Variants in ABCC12 observed in about 807,000 individuals in gnomAD.
ABCC12 encodes ATP-binding cassette sub-family C member 12.
ABCC12 carries 142 observed loss-of-function variants against 151.1 expected under a neutral mutation model. The ratio of observed to expected loss-of-function variants is 0.94; its 90% CI spans 0.82 to 1.08. ABCC12 has a LOEUF of 1.08. ABCC12 is among the 50% of genes least tolerant of loss of function. The pLI is 0.00. For synonymous variants in ABCC12, 645 were observed against 646.4 expected (o/e 1.00, Z 0.03); for missense variants, 1,638 against 1,691.1 (o/e 0.97, Z 0.55).
Position 48,100,920 on chromosome 16 carries a change from C to A in ABCC12, c.2990G>T (p.Gly997Val). The change falls in exon 23 of 31, where the codon GGC becomes GTC. Residue 997 changes from glycine to valine, a missense_variant. Transcript: ENST00000311303. ...WFTHITSSMQ[G>V]LGIIHAYGKK... ...GCCATAGGCGTGAATGATGCCCAGG[C>A]CCTGCATGGAGGAGGTGATGTGGGT... is the stretch of plus-strand genomic sequence containing the variant. 1 of 1,614,206 alleles carries A rather than the reference C, an allele frequency of 6.2e-7. No homozygotes were observed. The highest frequency in any genetic ancestry group is 1.1e-5 in the South Asian group (1 of 91,064).
chr16:48,107,223 G>A, intron 20 of ABCC12, 99 bp downstream of exon 20: 1 of 1,139,854 alleles, frequency 8.8e-7, no homozygotes, highest in East Asian at 2.3e-5. Flanking sequence ...GATGCATGTG[G>A]GCTCATGGCA....
intron 4 of ABCC12, 138 bp downstream of exon 4, chr16:48,143,772 T>A (rs561842885): frequency 1.8e-6 from 2 of 1,136,112 alleles, no homozygotes; most frequent in South Asian, 3.3e-5. Flanking sequence ...CCTTCCACCA[T>A]GATTGTGAGG....
intron 13 of ABCC12, among the ~76,000 whole-genome samples, chr16:48,117,785 G>T (rs1285519771): frequency 5.9e-5 from 9 of 152,112 alleles, no homozygotes; most frequent in African/African-American, 2.2e-4. Context: ...ACAGCAGGGG[G>T]CTGGGTGATC....
At chr16:48,129,828 T>C (rs1366753172) in intron 10 of ABCC12, among the ~76,000 whole-genome samples, 1 of 152,240 alleles carries the variant, frequency 6.6e-6, no homozygotes, top group East Asian at 1.9e-4. Flanking sequence ...TTATCTAGTC[T>C]AAGGAGCACC....
chr16:48,117,441 G>A (rs934542918), intron 13 of ABCC12, 108 bp from the exon 14 acceptor site: 1 of 1,217,234 alleles, frequency 8.2e-7, no homozygotes, highest in East Asian at 2.5e-5. Context: ...GGCCAGGGGT[G>A]GCGGCTGCTA....
intron 9 of ABCC12, among the ~76,000 whole-genome samples, chr16:48,133,245 G>A (rs1163719871): frequency 3.3e-5 from 5 of 152,130 alleles, no homozygotes; most frequent in East Asian, 3.9e-4. Flanking sequence ...GAGTTGGCCC[G>A]GCACTGTGGC....
intron 2 of ABCC12, among the ~76,000 whole-genome samples, chr16:48,146,955 A>G (rs1965025498): frequency 6.6e-6 from 1 of 151,954 alleles, no homozygotes; most frequent in East Asian, 1.9e-4. Flanking sequence ...ATGCGCATAC[A>G]CCCACACACA....
intron 13 of ABCC12, among the ~76,000 whole-genome samples, chr16:48,118,017 G>A (rs938448830): frequency 1.3e-5 from 2 of 152,142 alleles, no homozygotes; most frequent in Admixed American, 6.5e-5. Flanking sequence ...TCAGCGTCAC[G>A]CTCTGCCTAG....
chr16:48,105,037 T>C, intron 21 of ABCC12, 102 bp downstream of exon 21: 2 of 1,356,856 alleles, frequency 1.5e-6, no homozygotes, highest in Middle Eastern at 2.1e-4. Flanking sequence ...ATGAGGGCTC[T>C]GGCTGTCCCC....
rs529187523 is a variant in ABCC12, at chr16:48,138,015, C to T, written c.979+213G>A. Among the ~76,000 whole-genome samples, 5 of 152,244 alleles carry T rather than the reference C, an allele frequency of 3.3e-5. No homozygotes were observed. The South Asian group carries it at 6.2e-4, about 19-fold the overall frequency. On this transcript the variant is annotated intron_variant, in intron 8 of 30. Transcript: ENST00000311303. ...TCCACATGCCCCAGGAAAGAGAAACCATATGTCACTCACCCCTGGGTTCAC... is the reference window on the plus strand; with the variant it reads ...TCCACATGCCCCAGGAAAGAGAAACTATATGTCACTCACCCCTGGGTTCAC...
rs61742618 is a variant in ABCC12, at chr16:48,111,586, C to T, written c.2201G>A (p.Gly734Asp). 624 of 1,614,160 alleles carry T rather than the reference C, an allele frequency of 3.9e-4. 1 individual carries two copies. The highest frequency in any genetic ancestry group is 7.7e-4 in the Admixed American group (46 of 60,020). ...ESPAEREEDA[G>D]IIVLAPGNEK... Reference sequence around the variant, plus strand: ...AGGGATGGGATTCTAACCGATTATACCAGCATCTTCCTCTCTCTCAGCAGG... The same window carrying T: ...AGGGATGGGATTCTAACCGATTATATCAGCATCTTCCTCTCTCTCAGCAGG... The change falls in exon 17 of 31, where the codon GGT (glycine) becomes GAT (aspartate). Residue 734 changes from glycine to aspartate, a missense_variant. Physicochemically the swap from Gly to Asp is moderately conservative, Grantham distance 94 (BLOSUM62 -1). Coordinates refer to ENST00000311303, the MANE Select transcript of ABCC12 (RefSeq NM_001393797.1).
At chr16:48,139,716 T>C (rs1964740076) in intron 6 of ABCC12, among the ~76,000 whole-genome samples, 1 of 152,204 alleles carries the variant, frequency 6.6e-6, no homozygotes, top group Admixed American at 6.5e-5. Context: ...GCCTCCTTTG[T>C]GGAAGGAGTG....
intron 10 of ABCC12, among the ~76,000 whole-genome samples, chr16:48,129,749 G>A (rs1964360356): frequency 6.6e-6 from 1 of 152,224 alleles, no homozygotes; most frequent in South Asian, 2.1e-4. Flanking sequence ...GAGAGATAAT[G>A]GAAGCCTCAA....
chr16:48,111,418 G>A lies in ABCC12; in HGVS notation c.2281+18C>T, dbSNP rs1567449676. On this transcript the variant is annotated intron_variant, in intron 18 of 30. Transcript: ENST00000311303. ...ACATCCTTAAGTGTATGTGACTGAG[G>A]GGATGTGTGGTAAATACCTTTTGTG... 1.9e-6 allele frequency: 3 copies of A among 1,610,102 alleles called. No homozygotes were observed. Among genetic ancestry groups the A allele is most frequent in the South Asian group, 1.1e-5 (1 of 90,968 alleles).
chr16:48,138,800 C>G (rs1441282524), intron 7 of ABCC12, among the ~76,000 whole-genome samples: 2 of 148,420 alleles, frequency 1.3e-5, no homozygotes, highest in East Asian at 3.9e-4. Flanking sequence ...GACCCTATCT[C>G]TACAATTTTT....
At chr16:48,105,871 G>A (rs1963476422) in intron 20 of ABCC12, among the ~76,000 whole-genome samples, 1 of 152,284 alleles carries the variant, frequency 6.6e-6, no homozygotes, top group African/African-American at 2.4e-5. Context: ...TTCCCAAGGG[G>A]TAACAGAGAG....
rs191849973 is a variant in ABCC12, at chr16:48,103,489, T to C, written c.2900+653A>G. 3.1e-3 allele frequency among the ~76,000 whole-genome samples: 472 copies of C among 152,340 alleles called. 1 individual carries two copies. The highest frequency in any genetic ancestry group is 0.011 in the African/African-American group (462 of 41,578). ...GAAACAGGTGAGGCATATATTTCAA[T>C]GATTACCATTAAGGAGAGAGGAAAC... On this transcript the variant is annotated intron_variant, in intron 22 of 30. Transcript: ENST00000311303.
chr16:48,111,805 TCA>T lies in ABCC12; in HGVS notation c.2093_2094del (p.Leu698HisfsTer13), dbSNP rs1963703640. 7.4e-6 allele frequency: 12 copies of T among 1,614,056 alleles called. No individual in the cohort carries two copies. Among genetic ancestry groups the T allele is most frequent in the African/African-American group, 1.3e-5 (1 of 74,932 alleles). On this transcript the variant is annotated frameshift_variant, in exon 16 of 31. Coordinates refer to ENST00000311303, the MANE Select transcript of ABCC12 (RefSeq NM_001393797.1). LOFTEE classifies it high-confidence loss of function. ...LMEERGRYAK[L>X]IHNLRGLQFK... is the part of the protein sequence containing the mutation. Reference sequence around the variant, plus strand: ...AACTGCAATCCTCGCAGGTTGTGAATCAGTTTTGCATAGCGCCCTCTCTCCTC... The same window carrying T: ...AACTGCAATCCTCGCAGGTTGTGAATGTTTTGCATAGCGCCCTCTCTCCTC...
At chr16:48,139,520 T>C (rs11861448) in intron 6 of ABCC12, among the ~76,000 whole-genome samples, 184 bp from the exon 7 acceptor site, 16,426 of 152,144 alleles carry the variant, frequency 0.11, 3,022 homozygotes, top group African/African-American at 0.38. Context: ...TTGGAGAGGC[T>C]GGTCTTTTAG....
Sources: gnomAD v4.1 joint callset for allele counts (sites outside exome capture counted in the v4.1 genomes callset) on GRCh38, gnomAD v4.1.1 for gene constraint, MANE v1.5 for transcripts, NCBI Gene and HGNC (gene_info 2026-07-23, HGNC 2026-07-21) for gene names.